The following ZFHX3 variants were observed in gnomAD, a reference collection of about 807,000 sequenced individuals.
The protein encoded by ZFHX3 is zinc finger homeobox protein 3.
Under a neutral mutation model 279.1 loss-of-function variants are expected in ZFHX3, and 42 were observed. That is an observed-to-expected ratio of 0.15 (90% CI 0.12 to 0.19). ZFHX3 has a LOEUF of 0.19. Among genes scored for constraint, ZFHX3 ranks in the 10% least tolerant of loss-of-function variants. The probability of loss-of-function intolerance (pLI) is 1.00; values close to 1 mark genes in which losing one functional copy is unlikely to be tolerated. For missense variants in ZFHX3, 4,981 were observed against 4,754.0 expected (o/e 1.05, Z -1.40); for synonymous variants, 2,293 against 1,957.8 (o/e 1.17, Z -4.52).
intron 3 of ZFHX3, among the ~76,000 whole-genome samples, chr16:72,896,270 T>C (rs140465952): frequency 5.6e-4 from 86 of 152,268 alleles, no homozygotes; most frequent in African/African-American, 1.8e-3. Context: ...CTAATCCTAT[T>C]AGGGCTACTC....
chr16:73,575,507 T>C (rs918911588), intron 2 of ZFHX3, among the ~76,000 whole-genome samples: 13 of 152,128 alleles, frequency 8.5e-5, no homozygotes, highest in Non-Finnish European at 1.2e-4. Context: ...TTTGGTAAAT[T>C]TGCAGGTGGA....
At chr16:73,271,405 C>G (rs1420247493) in intron 4 of ZFHX3, among the ~76,000 whole-genome samples, 1 of 152,294 alleles carries the variant, frequency 6.6e-6, no homozygotes, top group South Asian at 2.1e-4. Flanking sequence ...TGGCTTTTCC[C>G]GAGCCACTGG....
chr16:73,615,433 C>T (rs765810706), intron 2 of ZFHX3, among the ~76,000 whole-genome samples: 2 of 152,182 alleles, frequency 1.3e-5, no homozygotes, highest in African/African-American at 4.8e-5. Context: ...TCCTTTGCAA[C>T]TTTGGAATCT....
At chr16:73,404,898 G>A (rs1175938631) in intron 3 of ZFHX3, among the ~76,000 whole-genome samples, 6 of 152,130 alleles carry the variant, frequency 3.9e-5, no homozygotes, top group Non-Finnish European at 7.4e-5. Flanking sequence ...GGTCCTCAGA[G>A]CCACAAATCA....
At chr16:73,778,392 TGTTA>T (rs1215112638) in intron 1 of ZFHX3, among the ~76,000 whole-genome samples, 1 of 152,234 alleles carries the variant, frequency 6.6e-6, no homozygotes, top group Non-Finnish European at 1.5e-5. Flanking sequence ...TCAATTTCTC[TGTTA>T]ATTACCTTAC....
chr16:73,647,467 G>A (rs2052630475), intron 2 of ZFHX3, among the ~76,000 whole-genome samples: 2 of 152,012 alleles, frequency 1.3e-5, no homozygotes, highest in South Asian at 2.1e-4. Context: ...GGCACTTACC[G>A]CTTCACTCCC....
At chr16:73,876,526 A>G (rs986006193) in intron 1 of ZFHX3, among the ~76,000 whole-genome samples, 1 of 152,200 alleles carries the variant, frequency 6.6e-6, no homozygotes, top group African/African-American at 2.4e-5. Context: ...ATATTCAATA[A>G]TTTGTATGTT....
At chr16:73,362,095 T>C (rs796832043) in intron 3 of ZFHX3, among the ~76,000 whole-genome samples, 8 of 152,090 alleles carry the variant, frequency 5.3e-5, no homozygotes, top group African/African-American at 1.9e-4. Context: ...CAGCCAAGAA[T>C]GGTTTAGTTT....
chr16:73,082,825 CACA>C (rs1965965934), intron 8 of ZFHX3, among the ~76,000 whole-genome samples: 1 of 152,052 alleles, frequency 6.6e-6, no homozygotes, highest in African/African-American at 2.4e-5. Context: ...TCTGAAACAT[CACA>C]ACATTACTGG....
At chr16:73,249,918 G>T (rs868122302) in intron 5 of ZFHX3, among the ~76,000 whole-genome samples, 1 of 151,776 alleles carries the variant, frequency 6.6e-6, no homozygotes, top group Non-Finnish European at 1.5e-5. Context: ...GACCATTCCC[G>T]CAACTACCAC....
intron 2 of ZFHX3, among the ~76,000 whole-genome samples, chr16:73,502,383 G>A (rs959671751): frequency 6.6e-6 from 1 of 152,212 alleles, no homozygotes; most frequent in Non-Finnish European, 1.5e-5. Context: ...TCGTCATGCT[G>A]TCCTTGTAAC....
At chr16:72,890,428 C>T (rs2038743421) in intron 3 of ZFHX3, among the ~76,000 whole-genome samples, 1 of 152,064 alleles carries the variant, frequency 6.6e-6, no homozygotes, top group South Asian at 2.1e-4. Flanking sequence ...TTACCCAGTC[C>T]TAGGCAGTTC....
chr16:73,172,998 TTTTTTTTTTG>T lies in ZFHX3; in HGVS notation c.-1103-29177_-1103-29168del, dbSNP rs1429390715. On this transcript the variant is annotated intron_variant, in intron 5 of 17. Coordinates refer to the ZFHX3 transcript ENST00000641206. ...TTTCCTGATGGGACTGTTTTTTTGT[TTTTTTTTTTG>T]TTTTTTTTTTTTTTTTTTGGGAGGG... Among the ~76,000 whole-genome samples the T allele has an allele frequency of 4.6e-3, 327 of 71,112 alleles. 20 individuals carry two copies. Among genetic ancestry groups the T allele is most frequent in the East Asian group, 0.015 (43 of 2,844 alleles). The allele number at this position is 71,112 out of a possible 152,430, so 46.7% of individuals were successfully genotyped here. A position where few individuals can be genotyped will look rare whatever the true frequency, so the allele number is the denominator to read the frequency against.
chr16:72,929,944 G>A (rs534261638), intron 3 of ZFHX3, among the ~76,000 whole-genome samples: 2 of 152,348 alleles, frequency 1.3e-5, no homozygotes, highest in East Asian at 1.9e-4. Context: ...CAGGCTGGGC[G>A]CGGTGGCTCA....
chr16:73,844,756 T>C (rs1435754626), intron 1 of ZFHX3, among the ~76,000 whole-genome samples: 1 of 151,370 alleles, frequency 6.6e-6, no homozygotes, highest in East Asian at 1.9e-4. Context: ...TAAATGATAC[T>C]AGATGACAGA....
intron 2 of ZFHX3, among the ~76,000 whole-genome samples, chr16:73,568,766 C>T (rs568330132): frequency 6.6e-6 from 1 of 152,142 alleles, no homozygotes; most frequent in Non-Finnish European, 1.5e-5. Flanking sequence ...GGGGTCTCAT[C>T]CTCTTGCAAA....
chr16:72,940,872 C>G (rs1287902622), intron 3 of ZFHX3, among the ~76,000 whole-genome samples: 1 of 152,188 alleles, frequency 6.6e-6, no homozygotes, highest in African/African-American at 2.4e-5. Context: ...GGAGGGGGAC[C>G]CTAGAGAACA....
At chr16:73,171,769 C>T (rs148985240) in intron 5 of ZFHX3, among the ~76,000 whole-genome samples, 235 of 152,262 alleles carry the variant, frequency 1.5e-3, no homozygotes, top group Non-Finnish European at 2.7e-3. Flanking sequence ...TCCTCAAATC[C>T]ATGCTACTGT....
intron 1 of ZFHX3, among the ~76,000 whole-genome samples, chr16:73,834,471 C>A (rs1024841408): frequency 6.6e-6 from 1 of 152,166 alleles, no homozygotes; most frequent in Admixed American, 6.5e-5. Context: ...AAGCACACAG[C>A]CAAGCCAAAA....
Sources: gnomAD v4.1 joint callset for allele counts (sites outside exome capture counted in the v4.1 genomes callset) on GRCh38, gnomAD v4.1.1 for gene constraint, MANE v1.5 for transcripts, NCBI Gene and HGNC (gene_info 2026-07-23, HGNC 2026-07-21) for gene names.